The following THSD7B variants were observed in gnomAD, a reference collection of about 807,000 sequenced individuals.
The protein encoded by THSD7B is thrombospondin type 1 domain containing 7B.
A neutral mutation model predicts 213.6 loss-of-function variants in THSD7B; 138 were observed. The ratio of observed to expected loss-of-function variants is 0.65; its 90% CI spans 0.56 to 0.74. The LOEUF (loss-of-function observed/expected upper bound fraction) is 0.74, where lower values mean the gene tolerates loss of function less well. THSD7B is among the 30% of genes least tolerant of loss of function. The pLI is 0.00. For synonymous variants in THSD7B, 742 were observed against 687.0 expected (o/e 1.08, Z -1.25); for missense variants, 1,931 against 1,991.5 (o/e 0.97, Z 0.58).
At chr2:137,250,172 A>T (rs1682140398) in intron 10 of THSD7B, among the ~76,000 whole-genome samples, 1 of 152,178 alleles carries the variant, frequency 6.6e-6, no homozygotes, top group African/African-American at 2.4e-5. Context: ...GCTTTATTTC[A>T]CTGCCTCTTC....
chr2:136,927,077 A>T (rs1384590446), intron 2 of THSD7B, among the ~76,000 whole-genome samples: 1 of 151,982 alleles, frequency 6.6e-6, no homozygotes, highest in South Asian at 2.1e-4. Flanking sequence ...AGACCTTATG[A>T]TTTGTCTTAT....
intron 7 of THSD7B, among the ~76,000 whole-genome samples, chr2:137,210,272 A>C (rs1241079403): frequency 6.6e-6 from 1 of 152,070 alleles, no homozygotes; most frequent in Non-Finnish European, 1.5e-5. Flanking sequence ...ACTTTTTGGC[A>C]TTTAAGTAGC....
At chr2:137,048,263 A>AT (rs941161584) in intron 2 of THSD7B, among the ~76,000 whole-genome samples, 45 of 152,248 alleles carry the variant, frequency 3.0e-4, no homozygotes, top group Admixed American at 2.2e-3. Context: ...TATTTCTCAG[A>AT]TTTTTTTTAA....
At chr2:137,128,485 T>G (rs928338700) in intron 5 of THSD7B, among the ~76,000 whole-genome samples, 1 of 152,182 alleles carries the variant, frequency 6.6e-6, no homozygotes, top group Non-Finnish European at 1.5e-5. Context: ...ATTTAATGAA[T>G]CTAGTCTGGG....
chr2:136,968,308 T>G (rs1362986657), intron 2 of THSD7B, among the ~76,000 whole-genome samples: 1 of 152,124 alleles, frequency 6.6e-6, no homozygotes, highest in Non-Finnish European at 1.5e-5. Flanking sequence ...TTTATTTTGT[T>G]TATGTGTGTG....
intron 1 of THSD7B, among the ~76,000 whole-genome samples, chr2:136,782,189 C>A (rs1410802935): frequency 6.6e-6 from 1 of 152,110 alleles, no homozygotes; most frequent in Admixed American, 6.5e-5. Context: ...TGAGTTGCGA[C>A]GTGGTAGAAA....
intron 15 of THSD7B, among the ~76,000 whole-genome samples, chr2:137,471,426 C>A (rs1463609045): frequency 1.3e-5 from 2 of 152,108 alleles, no homozygotes; most frequent in Non-Finnish European, 2.9e-5. Flanking sequence ...AAGCTAAATT[C>A]AAATTTGTGA....
chr2:137,189,246 G>A lies in THSD7B; in HGVS notation c.1723+18308G>A, dbSNP rs141327192. ...TCCTTTTCACCAGAAGTGAGGGTTC[G>A]TAAATTCTTGTCAGAAAACTGGTTT... On this transcript the variant is annotated intron_variant, in intron 7 of 27. Transcript: ENST00000409968. Among the ~76,000 whole-genome samples the A allele has an allele frequency of 3.0e-3, 456 of 152,230 alleles. 4 individuals are homozygous for A. Among genetic ancestry groups the A allele is most frequent in the African/African-American group, 9.9e-3 (411 of 41,530 alleles).
intron 4 of THSD7B, among the ~76,000 whole-genome samples, chr2:137,107,655 C>T (rs906029193): frequency 1.3e-5 from 2 of 152,048 alleles, no homozygotes; most frequent in Non-Finnish European, 2.9e-5. Context: ...TTTTTTATTG[C>T]ATTTGTCTAT....
chr2:137,211,346 A>ACACACACACACACACACACACACAGAGG (rs796485803), intron 7 of THSD7B, among the ~76,000 whole-genome samples: 2 of 121,530 alleles, frequency 1.6e-5, no homozygotes, highest in African/African-American at 5.4e-5. Flanking sequence ...ACACACACAC[A>ACACACACACACACACACACACACAGAGG]CACACACACA....
intron 1 of THSD7B, among the ~76,000 whole-genome samples, chr2:136,813,375 TC>T (rs1573650251): frequency 6.6e-6 from 1 of 152,196 alleles, no homozygotes; most frequent in East Asian, 1.9e-4. Flanking sequence ...ACTACAAAGC[TC>T]CTGTTGGCTG....
At chr2:137,205,663 T>G (rs1680970572) in intron 7 of THSD7B, among the ~76,000 whole-genome samples, 2 of 152,064 alleles carry the variant, frequency 1.3e-5, no homozygotes, top group African/African-American at 2.4e-5. Flanking sequence ...TTTTTCCAAG[T>G]TCATTTCTTT....
In THSD7B at chr2:137,242,569, G is replaced by A. The variant is rs1436518991; in HGVS notation, c.2263G>A (p.Ala755Thr). ...EWTPCPRMCQ[A>T]GNATVKQSRY... The stretch of plus-strand genomic sequence containing the variant: ...GACACCCTGCCCAAGGATGTGCCAA[G>A]CAGGTAGGTGGATGCTGCGTTCTTA... Residue 755 changes from alanine to threonine, a missense_variant, in exon 10 of 28, where the codon GCA becomes ACA. By Grantham distance (58) the Ala-to-Thr change is moderately conservative. Coordinates refer to ENST00000409968, the MANE Select transcript of THSD7B (RefSeq NM_001316349.2). 1 of 1,610,686 alleles carries A rather than the reference G, an allele frequency of 6.2e-7. No individual in the cohort carries two copies. The highest frequency in any genetic ancestry group is 1.3e-5 in the African/African-American group (1 of 74,828).
intron 15 of THSD7B, among the ~76,000 whole-genome samples, chr2:137,487,530 T>A (rs1688488001): frequency 6.6e-6 from 1 of 151,576 alleles, no homozygotes; most frequent in African/African-American, 2.4e-5. Context: ...AGGAGCTGGT[T>A]TTTTGAAAGG....
At chr2:137,183,166 T>C (rs977471705) in intron 7 of THSD7B, among the ~76,000 whole-genome samples, 2 of 152,148 alleles carry the variant, frequency 1.3e-5, no homozygotes, top group African/African-American at 4.8e-5. Flanking sequence ...ATTTTTGTTT[T>C]ATTAACTCTT....
intron 6 of THSD7B, 32 bp from the exon 7 acceptor site, chr2:137,170,709 T>A: frequency 6.3e-7 from 1 of 1,595,214 alleles, no homozygotes; most frequent in Non-Finnish European, 8.5e-7. Flanking sequence ...AAGAGTGGAA[T>A]TCTCTGAAAA....
chr2:136,930,669 C>A (rs772591120), intron 2 of THSD7B, among the ~76,000 whole-genome samples: 11 of 152,092 alleles, frequency 7.2e-5, no homozygotes, highest in Non-Finnish European at 1.5e-4. Flanking sequence ...TAAAGTATAT[C>A]AGCTCTAAAG....
intron 12 of THSD7B, among the ~76,000 whole-genome samples, chr2:137,322,229 A>C (rs1684277653): frequency 6.6e-6 from 1 of 152,184 alleles, no homozygotes; most frequent in Non-Finnish European, 1.5e-5. Flanking sequence ...AGCTTTTACA[A>C]AGTTGCAAAT....
chr2:137,197,971 GTA>G (rs1341535771), intron 7 of THSD7B, among the ~76,000 whole-genome samples: 5 of 152,156 alleles, frequency 3.3e-5, no homozygotes, highest in Non-Finnish European at 7.3e-5. Flanking sequence ...CATGTGCACA[GTA>G]TGTGTTGTGG....
Sources: gnomAD v4.1 joint callset for allele counts (sites outside exome capture counted in the v4.1 genomes callset) on GRCh38, gnomAD v4.1.1 for gene constraint, MANE v1.5 for transcripts, NCBI Gene and HGNC (gene_info 2026-07-23, HGNC 2026-07-21) for gene names.